Variants in PCDH15 observed in about 807,000 individuals in gnomAD.
PCDH15 encodes protocadherin-15.
A neutral mutation model predicts 178.5 loss-of-function variants in PCDH15; 129 were observed. The ratio of observed to expected loss-of-function variants is 0.72; its 90% CI spans 0.63 to 0.84. The LOEUF (loss-of-function observed/expected upper bound fraction) is 0.84, where lower values mean the gene tolerates loss of function less well. Ranked by LOEUF, PCDH15 falls within the 40% of genes least tolerant of loss-of-function variation. The pLI, the probability that PCDH15 is intolerant of heterozygous loss-of-function variation, is 0.00. For synonymous variants in PCDH15, 800 were observed against 732.0 expected (o/e 1.09, Z -1.50); for missense variants, 2,230 against 2,099.9 (o/e 1.06, Z -1.21).
intron 8 of PCDH15, among the ~76,000 whole-genome samples, chr10:54,271,692 T>G (rs1436180961): frequency 6.6e-6 from 1 of 152,144 alleles, no homozygotes; most frequent in East Asian, 1.9e-4. Context: ...AAGATACAGA[T>G]GAATAAAGTG....
rs1031362034 is a variant in PCDH15 at position 54,122,837 on chromosome 10, G to T, written c.1917+10038C>A. On this transcript the variant is annotated intron_variant, in intron 15 of 37. Transcript: ENST00000644397. ...CCTAGGCATAAATCTAACCAAGGAGGTAAAAGATCTCTGCAGGAAGAACTA... is the reference window on the plus strand; with the variant it reads ...CCTAGGCATAAATCTAACCAAGGAGTTAAAAGATCTCTGCAGGAAGAACTA... Among the ~76,000 whole-genome samples, 7 of 150,924 alleles carry T rather than the reference G, an allele frequency of 4.6e-5. No homozygotes were observed. In the East Asian group the frequency reaches 1.4e-3, roughly 30 times the overall value.
intron 3 of PCDH15, among the ~76,000 whole-genome samples, chr10:54,425,856 T>C (rs1273370856): frequency 6.6e-6 from 1 of 152,096 alleles, no homozygotes; most frequent in Non-Finnish European, 1.5e-5. Flanking sequence ...ATTTAGAAAA[T>C]GAAGTATTCT....
At chr10:54,706,465 C>G (rs2095365651) in intron 1 of PCDH15, among the ~76,000 whole-genome samples, 3 of 151,908 alleles carry the variant, frequency 2.0e-5, no homozygotes, top group Non-Finnish European at 4.4e-5. Flanking sequence ...AGAGATTATC[C>G]TAGTAGATAA....
intron 13 of PCDH15, among the ~76,000 whole-genome samples, chr10:54,157,787 C>A (rs1410114114): frequency 6.6e-6 from 1 of 152,170 alleles, no homozygotes; most frequent in African/African-American, 2.4e-5. Flanking sequence ...ACCCAAGACA[C>A]CTCATGAATG....
chr10:54,182,531 G>GTGTGTGTGTGTGTGTGTGTGTT (rs1349081037), intron 13 of PCDH15, among the ~76,000 whole-genome samples: 1 of 151,910 alleles, frequency 6.6e-6, no homozygotes, highest in African/African-American at 2.4e-5. Flanking sequence ...GTGTGTGTGT[G>GTGTGTGTGTGTGTGTGTGTGTT]TGTGTGTTTG....
intron 29 of PCDH15, among the ~76,000 whole-genome samples, chr10:53,832,078 A>T (rs936340718): frequency 6.6e-6 from 1 of 151,040 alleles, no homozygotes; most frequent in Non-Finnish European, 1.5e-5. Flanking sequence ...AAAAGTAAAC[A>T]TTCTCAAGTT....
rs182038923 is a variant in PCDH15, at chr10:54,025,743, C to T, written c.2221-2546G>A. ...CAAACCCCTGACCTTGTGATCCACC[C>T]GCCTCGGCCTCCCAAAGTGCTGGGA... is the stretch of plus-strand genomic sequence containing the variant. On this transcript the variant is annotated intron_variant, in intron 18 of 37. Coordinates refer to ENST00000644397, the MANE Select transcript of PCDH15 (RefSeq NM_001384140.1). Among the ~76,000 whole-genome samples, 1,037 of 152,124 alleles carry T rather than the reference C, an allele frequency of 6.8e-3. 10 individuals carry two copies. The highest frequency in any genetic ancestry group is 0.024 in the African/African-American group (977 of 41,484).
intron 2 of PCDH15, among the ~76,000 whole-genome samples, chr10:55,427,167 G>A (rs1238500559): frequency 6.6e-6 from 1 of 152,096 alleles, no homozygotes. Context: ...ATCAAGCTCA[G>A]CTTATTTAAA....
At chr10:55,529,070 G>T (rs1344628574) in intron 2 of PCDH15, among the ~76,000 whole-genome samples, 3 of 151,838 alleles carry the variant, frequency 2.0e-5, no homozygotes, top group Admixed American at 2.0e-4. Flanking sequence ...TTTTTGATGG[G>T]GTTGTTTGTT....
chr10:54,051,654 T>C (rs1335047049), intron 18 of PCDH15, among the ~76,000 whole-genome samples: 2 of 152,220 alleles, frequency 1.3e-5, no homozygotes, highest in South Asian at 2.1e-4. Context: ...GATGATGTGA[T>C]AGAAAATAAA....
At chr10:54,072,776 C>A (rs943702170) in intron 17 of PCDH15, among the ~76,000 whole-genome samples, 1 of 152,114 alleles carries the variant, frequency 6.6e-6, no homozygotes, top group African/African-American at 2.4e-5. Flanking sequence ...TAGGTTATGG[C>A]ACTGAATATA....
intron 2 of PCDH15, among the ~76,000 whole-genome samples, chr10:54,945,040 T>C (rs900418035): frequency 1.3e-5 from 2 of 151,908 alleles, no homozygotes; most frequent in African/African-American, 4.8e-5. Flanking sequence ...TGTGCAAAGG[T>C]TGACTTCTGC....
intron 2 of PCDH15, among the ~76,000 whole-genome samples, chr10:54,920,540 G>C (rs1343550778): frequency 6.7e-6 from 1 of 149,282 alleles, no homozygotes; most frequent in Non-Finnish European, 1.5e-5. Flanking sequence ...ATGTGTGACT[G>C]TGGCATTCCT....
chr10:53,928,034 C>T (rs896739986), intron 25 of PCDH15, among the ~76,000 whole-genome samples: 17 of 151,984 alleles, frequency 1.1e-4, no homozygotes, highest in Non-Finnish European at 1.9e-4. Context: ...TAGGTATAGA[C>T]ATTCCTTGAG....
At chr10:55,418,130 G>A (rs1161285340) in intron 2 of PCDH15, among the ~76,000 whole-genome samples, 3 of 151,446 alleles carry the variant, frequency 2.0e-5, no homozygotes, top group Non-Finnish European at 4.4e-5. Context: ...AACAGTACAT[G>A]GTCAAGAAAT....
At chr10:54,603,004 A>T (rs2092606413) in intron 2 of PCDH15, among the ~76,000 whole-genome samples, 1 of 151,896 alleles carries the variant, frequency 6.6e-6, no homozygotes, top group Non-Finnish European at 1.5e-5. Flanking sequence ...CATCATCTAG[A>T]TTTTCAAATA....
Position 53,824,845 on chromosome 10 carries a change from T to TTAAG in PCDH15, c.4367+2544_4367+2547dup, listed in dbSNP as rs112067787. Among the ~76,000 whole-genome samples, 702 of 152,150 alleles carry TTAAG rather than the reference T, an allele frequency of 4.6e-3. 11 individuals carry two copies. The highest frequency in any genetic ancestry group is 0.016 in the African/African-American group (648 of 41,540). On this transcript the variant is annotated intron_variant, in intron 32 of 37. Coordinates refer to ENST00000644397, the MANE Select transcript of PCDH15 (RefSeq NM_001384140.1). ...GTTTCTATTTATAGATTTGTAAATT[T>TTAAG]TAAGTTCTTAAAATTTAAGAATTTT... is the stretch of plus-strand genomic sequence containing the variant.
intron 2 of PCDH15, among the ~76,000 whole-genome samples, chr10:55,010,078 A>G (rs1260165789): frequency 1.3e-5 from 2 of 152,140 alleles, no homozygotes; most frequent in Non-Finnish European, 2.9e-5. Context: ...AAAAAATGAG[A>G]AGACTATTGT....
intron 13 of PCDH15, among the ~76,000 whole-genome samples, chr10:54,153,948 G>A (rs1243794449): frequency 6.6e-6 from 1 of 152,148 alleles, no homozygotes; most frequent in Non-Finnish European, 1.5e-5. Context: ...CATAGCCCAA[G>A]AAATGTTTCT....
Sources: gnomAD v4.1 joint callset for allele counts (sites outside exome capture counted in the v4.1 genomes callset) on GRCh38, gnomAD v4.1.1 for gene constraint, MANE v1.5 for transcripts, NCBI Gene and HGNC (gene_info 2026-07-23, HGNC 2026-07-21) for gene names.